Variants in WDR70 observed in about 807,000 individuals in gnomAD.
WDR70 encodes the protein WD repeat domain 70, also known as WD repeat-containing protein 70.
Under a neutral mutation model 88.6 loss-of-function variants are expected in WDR70, and 53 were observed. That is an observed-to-expected ratio of 0.60 (90% confidence interval 0.48 to 0.75). The LOEUF is 0.75. WDR70 is among the 30% of genes least tolerant of loss of function. The probability of loss-of-function intolerance (pLI) is 0.00; values close to 1 mark genes in which losing one functional copy is unlikely to be tolerated. For missense variants in WDR70, 610 were observed against 823.2 expected (o/e 0.74, Z 3.17); for synonymous variants, 280 against 270.0 (o/e 1.04, Z -0.36).
chr5:37,412,391 G>GCAAAA (rs572560564), intron 5 of WDR70, among the ~76,000 whole-genome samples: 1,967 of 151,876 alleles, frequency 0.013, 27 homozygotes, highest in Non-Finnish European at 0.019. Flanking sequence ...CCATCTCAAA[G>GCAAAA]CAAAACAAAA....
intron 17 of WDR70, among the ~76,000 whole-genome samples, chr5:37,743,990 G>A (rs1748567498): frequency 6.6e-6 from 1 of 152,156 alleles, no homozygotes; most frequent in Admixed American, 6.5e-5. Context: ...GAGATTGTCA[G>A]ACGCCCTATA....
chr5:37,748,350 C>T (rs1267049523), intron 17 of WDR70, among the ~76,000 whole-genome samples: 1 of 152,190 alleles, frequency 6.6e-6, no homozygotes, highest in Non-Finnish European at 1.5e-5. Flanking sequence ...CTGACAAAGA[C>T]AAGCAATGGG....
chr5:37,512,023 T>C (rs1317604989), intron 8 of WDR70, among the ~76,000 whole-genome samples: 1 of 152,176 alleles, frequency 6.6e-6, no homozygotes, highest in African/African-American at 2.4e-5. Flanking sequence ...TTTATTCTTT[T>C]ACTATTACAG....
intron 10 of WDR70, among the ~76,000 whole-genome samples, chr5:37,641,411 CTTTTTTTTTTTT>C (rs70978833): frequency 2.5e-5 from 2 of 80,354 alleles, no homozygotes; most frequent in East Asian, 3.8e-4. Flanking sequence ...TGTCCACATC[CTTTTTTTTTTTT>C]TTTTTTTTTT....
intron 9 of WDR70, among the ~76,000 whole-genome samples, chr5:37,599,780 C>T (rs1743809272): frequency 6.6e-6 from 1 of 151,882 alleles, no homozygotes; most frequent in Non-Finnish European, 1.5e-5. Flanking sequence ...GTACTCCTAG[C>T]TACTCAAGGG....
chr5:37,694,647 G>C (rs1746923451), intron 10 of WDR70, among the ~76,000 whole-genome samples: 1 of 151,922 alleles, frequency 6.6e-6, no homozygotes, highest in South Asian at 2.1e-4. Context: ...ATCGAACAAT[G>C]AGAACATGTA....
chr5:37,597,809 C>A (rs775150331), intron 9 of WDR70, among the ~76,000 whole-genome samples: 3 of 152,192 alleles, frequency 2.0e-5, no homozygotes, highest in Non-Finnish European at 4.4e-5. Flanking sequence ...ATTTTCTTTA[C>A]AAATTACCCA....
At chr5:37,568,872 G>GC (rs1276227087) in intron 9 of WDR70, among the ~76,000 whole-genome samples, 1 of 152,126 alleles carries the variant, frequency 6.6e-6, no homozygotes, top group Non-Finnish European at 1.5e-5. Flanking sequence ...GATAGAAGTG[G>GC]CAGAAGTGAT....
intron 5 of WDR70, among the ~76,000 whole-genome samples, chr5:37,400,200 C>T (rs1304754942): frequency 6.6e-6 from 1 of 152,158 alleles, no homozygotes; most frequent in African/African-American, 2.4e-5. Context: ...TCCCAAAGTG[C>T]TGGGATTACA....
rs185705329 is a variant in WDR70, at chr5:37,584,399, T to C, written c.918-20665T>C. Among the ~76,000 whole-genome samples, 369 of 152,344 alleles carry C rather than the reference T, an allele frequency of 2.4e-3. 4 individuals carry two copies. The highest frequency in any genetic ancestry group is 0.01 in the Middle Eastern group (3 of 292). The stretch of plus-strand genomic sequence containing the variant: ...ATATCGAAAAGGTTCATTTTTTTAG[T>C]GGAAACTTCTAAAGTAATATTGACT... On this transcript the variant is annotated intron_variant, in intron 9 of 17. Transcript: ENST00000265107.
At chr5:37,397,463 C>G (rs1362023873) in intron 5 of WDR70, among the ~76,000 whole-genome samples, 1 of 88,842 alleles carries the variant, frequency 1.1e-5, no homozygotes, top group Non-Finnish European at 2.3e-5. Context: ...GAGCAAAACT[C>G]TGTTTCAAAA....
chr5:37,430,207 A>G (rs889359469), intron 5 of WDR70, among the ~76,000 whole-genome samples: 16 of 152,214 alleles, frequency 1.1e-4, no homozygotes, highest in African/African-American at 1.7e-4. Flanking sequence ...TAGTTCCAAT[A>G]CACCTTTTTA....
At chr5:37,424,479 A>G (rs1274383455) in intron 5 of WDR70, among the ~76,000 whole-genome samples, 1 of 150,368 alleles carries the variant, frequency 6.7e-6, no homozygotes, top group Non-Finnish European at 1.5e-5. Context: ...ATCACGGCTC[A>G]CTGTAGCCTT....
At chr5:37,527,528 C>A (rs1741323736) in intron 9 of WDR70, among the ~76,000 whole-genome samples, 1 of 151,786 alleles carries the variant, frequency 6.6e-6, no homozygotes, top group African/African-American at 2.4e-5. Context: ...ACTATATAAA[C>A]CCTAGAAGAA....
intron 10 of WDR70, among the ~76,000 whole-genome samples, chr5:37,625,770 C>T (rs904536931): frequency 1.3e-5 from 2 of 152,086 alleles, no homozygotes; most frequent in African/African-American, 4.8e-5. Context: ...CTCAAGTGAT[C>T]TGCCCGCCTC....
At chr5:37,686,190 G>GT (rs1746592144) in intron 10 of WDR70, among the ~76,000 whole-genome samples, 2 of 151,932 alleles carry the variant, frequency 1.3e-5, no homozygotes, top group Non-Finnish European at 2.9e-5. Flanking sequence ...GGTGGCTTGT[G>GT]TTGTAGTCAC....
intron 8 of WDR70, among the ~76,000 whole-genome samples, chr5:37,483,246 G>GCGGC (rs1739730341): frequency 6.6e-6 from 1 of 151,856 alleles, no homozygotes; most frequent in Non-Finnish European, 1.5e-5. Flanking sequence ...AGAGGACCCT[G>GCGGC]CGGCCTTCCG....
At chr5:37,457,063 A>G (rs1486463826) in intron 7 of WDR70, among the ~76,000 whole-genome samples, 1 of 152,092 alleles carries the variant, frequency 6.6e-6, no homozygotes, top group Non-Finnish European at 1.5e-5. Flanking sequence ...TGGGGGTGTA[A>G]ATGACCAGAC....
chr5:37,524,865 G>A (rs1421492503), intron 9 of WDR70, among the ~76,000 whole-genome samples: 3 of 152,118 alleles, frequency 2.0e-5, no homozygotes, highest in Admixed American at 1.3e-4. Flanking sequence ...AACCAACAAA[G>A]ATCAAAAGAG....
Sources: gnomAD v4.1 joint callset for allele counts (sites outside exome capture counted in the v4.1 genomes callset) on GRCh38, gnomAD v4.1.1 for gene constraint, MANE v1.5 for transcripts, NCBI Gene and HGNC (gene_info 2026-07-23, HGNC 2026-07-21) for gene names.